Variants in EXOC4 observed in about 807,000 individuals in gnomAD.
EXOC4 encodes the protein exocyst complex component 4, also known as SEC8-like 1.
Under a neutral mutation model 107.2 loss-of-function variants are expected in EXOC4, and 71 were observed. The ratio of observed to expected loss-of-function variants is 0.66; its 90% CI spans 0.55 to 0.81. The LOEUF (loss-of-function observed/expected upper bound fraction) is 0.81, where lower values mean the gene tolerates loss of function less well. Ranked by LOEUF, EXOC4 falls within the 30% of genes least tolerant of loss-of-function variation. EXOC4 has a pLI of 0.00. For missense variants in EXOC4, 1,108 were observed against 1,189.6 expected, an observed-to-expected ratio of 0.93 and a Z score of 1.01; for synonymous variants, 456 against 441.2, an observed-to-expected ratio of 1.03 and a Z score of -0.42.
At chr7:134,098,695 G>C in the EXOC4 span, among the ~76,000 whole-genome samples, 63 of 152,320 alleles carry the variant, frequency 4.1e-4, no homozygotes, top group African/African-American at 1.5e-3. Flanking sequence ...CAACTGTCAT[G>C]GCAGGGACAC....
the EXOC4 span, among the ~76,000 whole-genome samples, chr7:134,090,540 C>T: frequency 0.015 from 2,224 of 152,226 alleles, 26 homozygotes; most frequent in Middle Eastern, 0.092. Context: ...GTTATTTTTA[C>T]CATTAATTCA....
intron 10 of EXOC4, among the ~76,000 whole-genome samples, chr7:133,739,309 G>C (rs770816647): frequency 1.3e-5 from 2 of 151,402 alleles, no homozygotes; most frequent in Admixed American, 6.6e-5. Context: ...TTAATTGTGG[G>C]ATCTGGCTAA....
At chr7:133,755,276 T>TC (rs1795886168) in intron 10 of EXOC4, among the ~76,000 whole-genome samples, 1 of 105,382 alleles carries the variant, frequency 9.5e-6, no homozygotes, top group Non-Finnish European at 1.9e-5. Context: ...ATATATATTA[T>TC]ATATATTATA....
chr7:133,392,424 G>A (rs1369876670), intron 7 of EXOC4, among the ~76,000 whole-genome samples: 1 of 152,118 alleles, frequency 6.6e-6, no homozygotes, highest in Non-Finnish European at 1.5e-5. Context: ...GGCAGTGTTA[G>A]GGTCCTTTAC....
At chr7:133,830,312 C>T (rs1348627928) in intron 11 of EXOC4, among the ~76,000 whole-genome samples, 1 of 152,242 alleles carries the variant, frequency 6.6e-6, no homozygotes, top group Non-Finnish European at 1.5e-5. Flanking sequence ...TTGCCCATGG[C>T]TTCTGACGCT....
intron 6 of EXOC4, among the ~76,000 whole-genome samples, chr7:133,374,450 T>C (rs933713529): frequency 6.6e-6 from 1 of 152,180 alleles, no homozygotes; most frequent in African/African-American, 2.4e-5. Context: ...ATCTGAGCTG[T>C]TGTCTGAAAA....
chr7:133,817,376 T>C lies in EXOC4; in HGVS notation c.1566T>C (p.Cys522=). The change falls in exon 11 of 18, where the codon TGT becomes TGC. Residue 522 remains cysteine (C), a synonymous_variant. Transcript: ENST00000253861. ...HALGLGPAKQ[C]PLREFLTVYI... is the part of the protein sequence containing the mutation. ...TGGGTCTTGGCCCAGCCAAACAGTGTCCTCTTCGAGAGTTTCTCACCGTGT... is the reference window on the plus strand; with the variant it reads ...TGGGTCTTGGCCCAGCCAAACAGTGCCCTCTTCGAGAGTTTCTCACCGTGT... The C allele has an allele frequency of 6.2e-7, 1 of 1,614,130 alleles. No individual in the cohort carries two copies. The highest frequency in any genetic ancestry group is 8.5e-7 in the Non-Finnish European group (1 of 1,179,998).
intron 17 of EXOC4, among the ~76,000 whole-genome samples, chr7:134,024,073 C>G (rs1401901529): frequency 6.6e-6 from 1 of 152,190 alleles, no homozygotes; most frequent in Non-Finnish European, 1.5e-5. Flanking sequence ...CCACCAAGTA[C>G]AAACCTCAAT....
chr7:133,804,888 C>T (rs531712441), intron 10 of EXOC4, among the ~76,000 whole-genome samples: 3 of 152,190 alleles, frequency 2.0e-5, no homozygotes, highest in South Asian at 2.1e-4. Context: ...CTTAGCCAGC[C>T]GTATTTCTTT....
intron 7 of EXOC4, among the ~76,000 whole-genome samples, chr7:133,441,792 A>G (rs1159293909): frequency 1.3e-5 from 2 of 152,140 alleles, no homozygotes; most frequent in Non-Finnish European, 2.9e-5. Flanking sequence ...CAGTGGGGCT[A>G]ATTTTGACTC....
chr7:133,492,487 A>G (rs1442449180), intron 9 of EXOC4, among the ~76,000 whole-genome samples: 2 of 152,128 alleles, frequency 1.3e-5, no homozygotes, highest in Non-Finnish European at 2.9e-5. Flanking sequence ...GCCCAATATA[A>G]TTTTACTACA....
the EXOC4 span, among the ~76,000 whole-genome samples, chr7:134,072,045 C>G: frequency 2.0e-5 from 3 of 152,224 alleles, no homozygotes; most frequent in African/African-American, 7.2e-5. Flanking sequence ...GAGCCCATCC[C>G]TGTGACCAGT....
chr7:133,462,099 T>C lies in EXOC4; in HGVS notation c.1183-13229T>C, dbSNP rs116407334. 4.8e-3 allele frequency among the ~76,000 whole-genome samples: 733 copies of C among 152,338 alleles called. 4 individuals are homozygous for C. Among genetic ancestry groups the C allele is most frequent in the Middle Eastern group, 0.017 (5 of 294 alleles). On this transcript the variant is annotated intron_variant, in intron 7 of 17. Coordinates refer to ENST00000253861, the MANE Select transcript of EXOC4 (RefSeq NM_021807.4). ...TAATATGAACAAATATATTTGTAAA[T>C]ATGAGTTGAATAAATTGTAAACATA...
intron 1 of EXOC4, among the ~76,000 whole-genome samples, chr7:133,268,235 T>C (rs1022296744): frequency 6.6e-6 from 1 of 152,208 alleles, no homozygotes; most frequent in Non-Finnish European, 1.5e-5. Context: ...GAGCTCCGTT[T>C]GAATCTGGGT....
At position 133,266,160 on chromosome 7, in the gene EXOC4, G is replaced by C. The variant is rs185599944; in HGVS notation, c.87-8822G>C. Among the ~76,000 whole-genome samples, 551 of 152,304 alleles carry C rather than the reference G, an allele frequency of 3.6e-3. 16 individuals are homozygous for C. The highest frequency in any genetic ancestry group is 1.4e-3 in the Non-Finnish European group (97 of 68,014). ...TCTAGAGAAGCCTCTCACTCTGCTTGTAAATGGCTCCCTTGCTCTGCTGTC... is the reference window on the plus strand; with the variant it reads ...TCTAGAGAAGCCTCTCACTCTGCTTCTAAATGGCTCCCTTGCTCTGCTGTC... On this transcript the variant is annotated intron_variant, in intron 1 of 17. Transcript: ENST00000253861.
intron 12 of EXOC4, among the ~76,000 whole-genome samples, chr7:133,909,473 A>G (rs555834875): frequency 2.0e-5 from 3 of 152,324 alleles, no homozygotes; most frequent in South Asian, 2.1e-4. Flanking sequence ...AATGTGGGAA[A>G]GAGCACTCCA....
At chr7:133,554,142 G>A (rs1382974159) in intron 9 of EXOC4, among the ~76,000 whole-genome samples, 1 of 151,978 alleles carries the variant, frequency 6.6e-6, no homozygotes, top group East Asian at 1.9e-4. Context: ...TATCTCAGGT[G>A]GATCTTTAGG....
At chr7:133,828,497 T>C (rs192205631) in intron 11 of EXOC4, among the ~76,000 whole-genome samples, 207 of 152,338 alleles carry the variant, frequency 1.4e-3, no homozygotes, top group Non-Finnish European at 2.5e-3. Flanking sequence ...ATGTTGCAGC[T>C]CTGGCTTAGG....
intron 10 of EXOC4, among the ~76,000 whole-genome samples, chr7:133,787,169 TTTTC>T (rs1247473952): frequency 5.9e-4 from 8 of 13,518 alleles, no homozygotes; most frequent in Non-Finnish European, 1.0e-3. Flanking sequence ...TTTTTTTTTC[TTTTC>T]TTTTTTTTTT....
Sources: allele counts gnomAD v4.1 joint callset (sites outside exome capture counted in the v4.1 genomes callset), GRCh38; gene constraint gnomAD v4.1.1; transcripts MANE v1.5; gene names NCBI Gene and HGNC (gene_info 2026-07-23, HGNC 2026-07-21).